Variants in ZNF385D observed in about 807,000 individuals in gnomAD.
ZNF385D encodes zinc finger protein 385D.
A neutral mutation model predicts 35.8 loss-of-function variants in ZNF385D; 15 were observed. The ratio of observed to expected loss-of-function variants is 0.42; its 90% confidence interval spans 0.28 to 0.64. ZNF385D has a LOEUF of 0.64. ZNF385D is among the 30% of genes least tolerant of loss of function. The pLI is 0.23. For missense variants in ZNF385D, 474 were observed against 494.6 expected, an observed-to-expected ratio of 0.96 and a Z score of 0.39; for synonymous variants, 212 against 186.8, an observed-to-expected ratio of 1.13 and a Z score of -1.10.
At chr3:21,566,207 G>T (rs2063140938) in intron 2 of ZNF385D, among the ~76,000 whole-genome samples, 1 of 152,138 alleles carries the variant, frequency 6.6e-6, no homozygotes, top group African/African-American at 2.4e-5. Context: ...TAGAACTCAT[G>T]GGCGTAATCA....
At chr3:22,277,984 TTC>T (rs1296637783) in intron 2 of ZNF385D, among the ~76,000 whole-genome samples, 1 of 152,090 alleles carries the variant, frequency 6.6e-6, no homozygotes, top group Admixed American at 6.6e-5. Context: ...CAGGAAGTCT[TTC>T]TGATTTCTCC....
intron 1 of ZNF385D, among the ~76,000 whole-genome samples, chr3:21,680,231 T>G (rs2066856852): frequency 6.6e-6 from 1 of 152,108 alleles, no homozygotes; most frequent in Non-Finnish European, 1.5e-5. Flanking sequence ...TCAATATTTA[T>G]TGGTTACTCA....
chr3:21,693,263 T>G (rs991752485), intron 1 of ZNF385D, among the ~76,000 whole-genome samples: 2 of 152,212 alleles, frequency 1.3e-5, no homozygotes, highest in Non-Finnish European at 2.9e-5. Context: ...AAATGCTTCC[T>G]TCTTCTGTGT....
chr3:21,667,527 T>C (rs1160311667), intron 1 of ZNF385D, among the ~76,000 whole-genome samples: 4 of 152,190 alleles, frequency 2.6e-5, no homozygotes, highest in African/African-American at 9.7e-5. Flanking sequence ...ATTCACCTGG[T>C]TTGATTCTAA....
chr3:21,562,405 A>ACTGT (rs1458685486), intron 3 of ZNF385D, among the ~76,000 whole-genome samples: 2 of 152,078 alleles, frequency 1.3e-5, no homozygotes, highest in Non-Finnish European at 2.9e-5. Flanking sequence ...AAATAGAACC[A>ACTGT]CTGTCTGGAA....
intron 3 of ZNF385D, among the ~76,000 whole-genome samples, chr3:21,514,178 T>C (rs1400060821): frequency 6.6e-6 from 1 of 152,162 alleles, no homozygotes; most frequent in African/African-American, 2.4e-5. Flanking sequence ...AGAGATTGTG[T>C]CTTATTATTT....
At chr3:22,260,672 A>G (rs1180032355) in intron 2 of ZNF385D, among the ~76,000 whole-genome samples, 3 of 151,950 alleles carry the variant, frequency 2.0e-5, no homozygotes. Flanking sequence ...AAATCTGCCC[A>G]TTCTCAAAGA....
rs573096769 is a variant in ZNF385D at position 21,893,948 on chromosome 3, T to C, written c.326-228920A>G. Among the ~76,000 whole-genome samples, 44 of 152,290 alleles carry C rather than the reference T, an allele frequency of 2.9e-4. No individual in the cohort carries two copies. The East Asian group carries it at 7.5e-3, about 26-fold the overall frequency. On this transcript the variant is annotated intron_variant, in intron 3 of 5. Coordinates refer to the ZNF385D transcript ENST00000494108. ...GTATAGCTCAATTTAAACATAATCA[T>C]TGCCTTAGATAACTTACAAAAACAA...
At chr3:22,366,101 T>C (rs886191838) in intron 2 of ZNF385D, among the ~76,000 whole-genome samples, 2 of 152,062 alleles carry the variant, frequency 1.3e-5, no homozygotes, top group Non-Finnish European at 2.9e-5. Flanking sequence ...TACAGTACAA[T>C]CAATCAGAGG....
chr3:21,571,398 C>T (rs996201667), intron 2 of ZNF385D, among the ~76,000 whole-genome samples: 3 of 152,022 alleles, frequency 2.0e-5, no homozygotes, highest in African/African-American at 4.8e-5. Flanking sequence ...TAGGAATAAG[C>T]TATTAAAAAC....
chr3:22,036,709 GTTTT>G (rs769311209), intron 3 of ZNF385D, among the ~76,000 whole-genome samples: 3 of 133,798 alleles, frequency 2.2e-5, no homozygotes, highest in African/African-American at 8.4e-5. Flanking sequence ...GCCCTACTAG[GTTTT>G]TTTTTTTTTT....
upstream of ZNF385D, among the ~76,000 whole-genome samples, chr3:21,754,051 T>G (rs35383784): frequency 0.073 from 11,189 of 152,296 alleles, 711 homozygotes; most frequent in East Asian, 0.34. Flanking sequence ...AGTATTCCAT[T>G]ATGTATATAT....
chr3:21,531,417 C>T (rs1056797647), intron 3 of ZNF385D, among the ~76,000 whole-genome samples: 4 of 152,108 alleles, frequency 2.6e-5, no homozygotes, highest in East Asian at 1.9e-4. Context: ...ATTTACTCAA[C>T]GAGGTACAAA....
intron 3 of ZNF385D, among the ~76,000 whole-genome samples, chr3:21,866,344 C>T (rs769841182): frequency 6.6e-6 from 1 of 152,058 alleles, no homozygotes; most frequent in Non-Finnish European, 1.5e-5. Context: ...ATCGCAGCTA[C>T]TTGGGAGGCT....
rs538809569 is a variant in ZNF385D at position 22,176,105 on chromosome 3, G to C, written c.107-7070C>G. On this transcript the variant is annotated intron_variant, in intron 2 of 5. Coordinates refer to the ZNF385D transcript ENST00000494108. Reference sequence around the variant, plus strand: ...GTGTGAATTTAAAATTAAAACTACAGCATCTGGAAATTCCCAAGACATAAA... The same window carrying C: ...GTGTGAATTTAAAATTAAAACTACACCATCTGGAAATTCCCAAGACATAAA... 2.7e-5 allele frequency among the ~76,000 whole-genome samples: 4 copies of C among 147,516 alleles called. No individual in the cohort carries two copies. In the East Asian group the frequency reaches 5.8e-4, roughly 21 times the overall value.
intron 3 of ZNF385D, among the ~76,000 whole-genome samples, chr3:21,893,145 C>T (rs1474278417): frequency 1.3e-5 from 2 of 152,098 alleles, no homozygotes; most frequent in African/African-American, 4.8e-5. Context: ...TTAAGTTTCT[C>T]ATCTAAAATG....
At chr3:22,358,146 T>C (rs1208276149) in intron 2 of ZNF385D, among the ~76,000 whole-genome samples, 3 of 151,832 alleles carry the variant, frequency 2.0e-5, no homozygotes, top group Non-Finnish European at 4.4e-5. Flanking sequence ...CAAGAAGTAA[T>C]ACTGAAAAGA....
chr3:21,680,768 T>C (rs2066873616), intron 1 of ZNF385D, among the ~76,000 whole-genome samples: 1 of 152,196 alleles, frequency 6.6e-6, no homozygotes, highest in Non-Finnish European at 1.5e-5. Context: ...TTTATGGCAG[T>C]CTTGCCTATA....
At chr3:21,744,278 G>A (rs1298274993) in intron 1 of ZNF385D, among the ~76,000 whole-genome samples, 1 of 152,182 alleles carries the variant, frequency 6.6e-6, no homozygotes, top group Non-Finnish European at 1.5e-5. Flanking sequence ...TGCTATACAA[G>A]TGTAAGGGAT....
Sources: allele counts gnomAD v4.1 joint callset (sites outside exome capture counted in the v4.1 genomes callset), GRCh38; gene constraint gnomAD v4.1.1; transcripts MANE v1.5; gene names NCBI Gene and HGNC (gene_info 2026-07-23, HGNC 2026-07-21).